CCDC148: variants seen among roughly 807,000 people sequenced by gnomAD.
The protein encoded by CCDC148 is coiled-coil domain containing 148, also known as coiled-coil domain-containing protein 148.
A neutral mutation model predicts 85.7 loss-of-function variants in CCDC148; 89 were observed. The observed-to-expected ratio is 1.04, with a 90% CI of 0.87 to 1.24. CCDC148 has a LOEUF of 1.24. Among genes scored for constraint, CCDC148 ranks in the 50% most tolerant of loss-of-function variants. The pLI is 0.00. For missense variants in CCDC148, 692 were observed against 671.7 expected, an observed-to-expected ratio of 1.03 and a Z score of -0.33; for synonymous variants, 230 against 213.9, an observed-to-expected ratio of 1.08 and a Z score of -0.66.
At chr2:158,348,035 T>C (rs1308398761) in intron 2 of CCDC148, among the ~76,000 whole-genome samples, 2 of 152,034 alleles carry the variant, frequency 1.3e-5, no homozygotes, top group African/African-American at 4.8e-5. Context: ...GAATACAAAG[T>C]GATACAACCC....
chr2:158,407,972 T>C (rs1001573325), intron 1 of CCDC148, among the ~76,000 whole-genome samples: 11 of 152,190 alleles, frequency 7.2e-5, no homozygotes, highest in Admixed American at 3.9e-4. Context: ...TCTAAATTCT[T>C]TGAATAAATA....
chr2:158,294,005 CTTCCTTCCT>C (rs1691037982), intron 9 of CCDC148, among the ~76,000 whole-genome samples: 1 of 9,512 alleles, frequency 1.1e-4, no homozygotes, highest in African/African-American at 5.7e-4. Context: ...TCCCTCCCTC[CTTCCTTCCT>C]TCCTTCCTTC....
intron 1 of CCDC148, among the ~76,000 whole-genome samples, chr2:158,401,963 C>G (rs1025626819): frequency 3.3e-5 from 5 of 151,988 alleles, no homozygotes; most frequent in East Asian, 1.9e-4. Flanking sequence ...GAGAATCCCA[C>G]GAAGCATGAG....
intron 1 of CCDC148, among the ~76,000 whole-genome samples, chr2:158,435,054 C>A (rs1417899561): frequency 6.6e-6 from 1 of 152,154 alleles, no homozygotes; most frequent in African/African-American, 2.4e-5. Flanking sequence ...AAACACTCTG[C>A]AGGATGTTAT....
intron 11 of CCDC148, among the ~76,000 whole-genome samples, chr2:158,181,136 T>C (rs1483245938): frequency 1.3e-5 from 2 of 152,182 alleles, no homozygotes; most frequent in Non-Finnish European, 2.9e-5. Context: ...AATTACCATA[T>C]GCTAATTCTC....
intron 1 of CCDC148, among the ~76,000 whole-genome samples, chr2:158,437,237 C>A (rs184539343): frequency 6.6e-6 from 1 of 151,904 alleles, no homozygotes; most frequent in African/African-American, 2.4e-5. Context: ...AATAAAATAC[C>A]GGTAAACCGA....
intron 9 of CCDC148, among the ~76,000 whole-genome samples, chr2:158,292,236 T>C (rs1690927935): frequency 6.6e-6 from 1 of 152,174 alleles, no homozygotes; most frequent in Non-Finnish European, 1.5e-5. Context: ...ATTTACAAAA[T>C]AGGGATTTTC....
chr2:158,241,730 C>A (rs7605042), intron 10 of CCDC148, among the ~76,000 whole-genome samples: 1 of 152,000 alleles, frequency 6.6e-6, no homozygotes, highest in Non-Finnish European at 1.5e-5. Flanking sequence ...GGAAAGGAGG[C>A]AAATGCCACA....
chr2:158,221,026 T>C (rs545174288), intron 10 of CCDC148, among the ~76,000 whole-genome samples: 3 of 152,366 alleles, frequency 2.0e-5, no homozygotes, highest in Non-Finnish European at 2.9e-5. Context: ...AAGTGTGTTA[T>C]TGTCTCTAAA....
At chr2:158,213,594 T>G (rs1409530183) in intron 11 of CCDC148, among the ~76,000 whole-genome samples, 1 of 152,154 alleles carries the variant, frequency 6.6e-6, no homozygotes, top group African/African-American at 2.4e-5. Context: ...CCCCTGTGCT[T>G]GGAAGAATGG....
At chr2:158,366,711 C>A (rs557439614) in intron 1 of CCDC148, among the ~76,000 whole-genome samples, 97 of 152,314 alleles carry the variant, frequency 6.4e-4, no homozygotes, top group Non-Finnish European at 9.3e-4. Context: ...CCACGCTGGC[C>A]TAGACTTTGT....
At chr2:158,351,497 T>A (rs866899211) in intron 2 of CCDC148, among the ~76,000 whole-genome samples, 3 of 151,710 alleles carry the variant, frequency 2.0e-5, no homozygotes, top group South Asian at 4.2e-4. Flanking sequence ...CACTCCCACC[T>A]GAATACTGCG....
intron 9 of CCDC148, among the ~76,000 whole-genome samples, chr2:158,257,231 A>G (rs1689048519): frequency 6.6e-6 from 1 of 151,762 alleles, no homozygotes; most frequent in Non-Finnish European, 1.5e-5. Context: ...CAGAAAACTT[A>G]TCAGGATTTT....
intron 11 of CCDC148, among the ~76,000 whole-genome samples, chr2:158,205,350 G>T (rs755238560): frequency 6.6e-6 from 1 of 152,154 alleles, no homozygotes; most frequent in Non-Finnish European, 1.5e-5. Context: ...GAAGAACAGG[G>T]TGGAGAGAGC....
chr2:158,292,901 T>C (rs1296516897), intron 9 of CCDC148, among the ~76,000 whole-genome samples: 1 of 152,196 alleles, frequency 6.6e-6, no homozygotes, highest in Non-Finnish European at 1.5e-5. Context: ...AGATTCCTCC[T>C]ATAGCACTTT....
intron 11 of CCDC148, among the ~76,000 whole-genome samples, chr2:158,183,328 C>G (rs1013284727): frequency 6.6e-6 from 1 of 152,130 alleles, no homozygotes. Context: ...GTGCACAGCA[C>G]TCTAAGAAAT....
At position 158,210,959 on chromosome 2, in the gene CCDC148, G is replaced by GA. The variant is rs772015775; in HGVS notation, c.1370+9635dup. ...GGGCGACAGAGCAAGACTCTGTCTC[G>GA]AAAAAAAAAAAAAAAAAAGAAACAA... On this transcript the variant is annotated intron_variant, in intron 11 of 13. Transcript: ENST00000283233. 9.7e-3 allele frequency among the ~76,000 whole-genome samples: 678 copies of GA among 70,180 alleles called. 12 individuals are homozygous for GA. Among genetic ancestry groups the GA allele is most frequent in the African/African-American group, 0.028 (485 of 17,420 alleles). 46.0% of individuals were successfully genotyped at this position (70,180 alleles called of 152,430 possible).
At position 158,402,712 on chromosome 2, in the gene CCDC148, T is replaced by C. The variant is rs1441500454; in HGVS notation, c.26-44142A>G. ...GTTGAGAAGAGACTTTTAAAAGTTG[T>C]AGAAAAATGTAACTCAAAGGAATAT... On this transcript the variant is annotated intron_variant, in intron 1 of 13. Transcript: ENST00000283233. Among the ~76,000 whole-genome samples the C allele has an allele frequency of 2.6e-5, 4 of 152,110 alleles. No homozygotes were observed. The East Asian group carries it at 7.7e-4, about 29-fold the overall frequency.
intron 2 of CCDC148, among the ~76,000 whole-genome samples, chr2:158,351,981 G>T (rs554063031): frequency 2.1e-5 from 3 of 142,692 alleles, no homozygotes; most frequent in East Asian, 2.1e-4. Context: ...CACCTCACAC[G>T]GCAGGGTATT....
Sources: allele counts gnomAD v4.1 joint callset (sites outside exome capture counted in the v4.1 genomes callset), GRCh38; gene constraint gnomAD v4.1.1; transcripts MANE v1.5; gene names NCBI Gene and HGNC (gene_info 2026-07-23, HGNC 2026-07-21).